Variants in PRKD1 observed in about 807,000 individuals in gnomAD.
PRKD1 encodes the protein serine/threonine-protein kinase D1.
A neutral mutation model predicts 95.9 loss-of-function variants in PRKD1; 63 were observed. That is an observed-to-expected ratio of 0.66 (90% CI 0.54 to 0.81). PRKD1 has a LOEUF of 0.81. PRKD1 is among the 30% of genes least tolerant of loss of function. PRKD1 has a pLI of 0.00. For synonymous variants in PRKD1, 425 were observed against 423.1 expected (o/e 1.00, Z -0.05); for missense variants, 1,048 against 1,165.3 (o/e 0.90, Z 1.47).
At chr14:29,613,333 C>A (rs977303954) in intron 13 of PRKD1, among the ~76,000 whole-genome samples, 1 of 152,140 alleles carries the variant, frequency 6.6e-6, no homozygotes, top group Non-Finnish European at 1.5e-5. Context: ...CAACATTATT[C>A]TCTGGTTTTC....
At chr14:29,586,130 T>C (rs1167397969) in intron 16 of PRKD1, among the ~76,000 whole-genome samples, 10 of 152,146 alleles carry the variant, frequency 6.6e-5, no homozygotes, top group African/African-American at 2.4e-4. Context: ...TATGAGAACA[T>C]TGATAGTGGT....
intron 4 of PRKD1, among the ~76,000 whole-genome samples, chr14:29,643,774 G>A (rs1274255215): frequency 2.6e-5 from 4 of 152,098 alleles, no homozygotes; most frequent in African/African-American, 4.8e-5. Flanking sequence ...TGTCACTTGC[G>A]TAAAAAATCA....
At chr14:29,676,029 A>G (rs187998166) in intron 2 of PRKD1, among the ~76,000 whole-genome samples, 293 of 151,190 alleles carry the variant, frequency 1.9e-3, no homozygotes, top group Admixed American at 5.3e-3. Context: ...ACCTAATGTA[A>G]ATGACGCGTT....
chr14:29,859,518 G>A (rs1892628899), intron 1 of PRKD1, among the ~76,000 whole-genome samples: 1 of 151,556 alleles, frequency 6.6e-6, no homozygotes, highest in African/African-American at 2.4e-5. Context: ...TGAGGCAGGA[G>A]AATGGCATGA....
chr14:29,819,796 G>C (rs1890839106), intron 1 of PRKD1, among the ~76,000 whole-genome samples: 1 of 152,224 alleles, frequency 6.6e-6, no homozygotes, highest in Non-Finnish European at 1.5e-5. Context: ...AATGTTCTTT[G>C]TGTTTTTATT....
At chr14:29,630,507 G>A in intron 10 of PRKD1, 1 of 535,426 alleles carries the variant, frequency 1.9e-6, no homozygotes, top group Non-Finnish European at 3.2e-6. Context: ...GTGTTTACCT[G>A]AATTTGTTAA....
intron 2 of PRKD1, among the ~76,000 whole-genome samples, chr14:29,687,101 G>T (rs556216291): frequency 1.3e-5 from 2 of 151,916 alleles, no homozygotes; most frequent in African/African-American, 2.4e-5. Flanking sequence ...CTGGTGTCTG[G>T]TATTGTCTGC....
At chr14:29,730,915 T>G (rs186228288) in intron 1 of PRKD1, among the ~76,000 whole-genome samples, 5 of 152,176 alleles carry the variant, frequency 3.3e-5, no homozygotes, top group Admixed American at 3.3e-4. Flanking sequence ...GAGGAATAAG[T>G]TCAAGATATC....
chr14:29,738,842 T>C (rs1886857795), intron 1 of PRKD1, among the ~76,000 whole-genome samples: 1 of 150,516 alleles, frequency 6.6e-6, no homozygotes, highest in African/African-American at 2.4e-5. Context: ...CTTTTTTTTT[T>C]TTTGGAGACA....
At chr14:29,638,454 A>G (rs765189117) in intron 6 of PRKD1, 35 bp downstream of exon 6, 1 of 1,607,430 alleles carries the variant, frequency 6.2e-7, no homozygotes, top group East Asian at 2.2e-5. Context: ...CTAATATGGA[A>G]GAAGCACAGA....
chr14:29,741,302 C>T (rs1005996460), intron 1 of PRKD1, among the ~76,000 whole-genome samples: 1 of 152,114 alleles, frequency 6.6e-6, no homozygotes, highest in Non-Finnish European at 1.5e-5. Context: ...TGAATATTAT[C>T]ATAATTAATG....
intron 1 of PRKD1, among the ~76,000 whole-genome samples, chr14:29,743,999 G>A (rs1887100619): frequency 6.6e-6 from 1 of 152,052 alleles, no homozygotes; most frequent in South Asian, 2.1e-4. Flanking sequence ...GGAGTGTTCA[G>A]GACTCACTCT....
chr14:29,733,058 T>G (rs1429923366), intron 1 of PRKD1, among the ~76,000 whole-genome samples: 2 of 151,038 alleles, frequency 1.3e-5, no homozygotes, highest in Non-Finnish European at 3.0e-5. Flanking sequence ...TTGCTATGAG[T>G]TCACTGATAT....
In PRKD1 at chr14:29,804,718, C is replaced by G. The variant is rs144498500; in HGVS notation, c.265-79044G>C. ...AGATCATCCCCTGAGACAAACCTCT[C>G]AGTGCTAACATTATTGCTATTTATC... On this transcript the variant is annotated intron_variant, in intron 1 of 17. Coordinates refer to ENST00000331968, the MANE Select transcript of PRKD1 (RefSeq NM_002742.3). Among the ~76,000 whole-genome samples the G allele has an allele frequency of 2.5e-3, 386 of 152,268 alleles. 2 individuals carry two copies. Among genetic ancestry groups the G allele is most frequent in the Non-Finnish European group, 4.1e-3 (282 of 68,008 alleles).
chr14:29,831,991 C>A (rs1385509535), intron 1 of PRKD1, among the ~76,000 whole-genome samples: 4 of 152,086 alleles, frequency 2.6e-5, no homozygotes, highest in African/African-American at 9.7e-5. Flanking sequence ...TACTAACATA[C>A]CATATTATTA....
chr14:29,703,581 A>G (rs1284337650), intron 2 of PRKD1, among the ~76,000 whole-genome samples: 1 of 152,228 alleles, frequency 6.6e-6, no homozygotes, highest in Non-Finnish European at 1.5e-5. Flanking sequence ...CAATCAGAAA[A>G]TAAGAATTTA....
chr14:29,653,161 G>T (rs1208485838), intron 4 of PRKD1, among the ~76,000 whole-genome samples: 1 of 152,076 alleles, frequency 6.6e-6, no homozygotes, highest in African/African-American at 2.4e-5. Flanking sequence ...TTGTTATTTA[G>T]AAAATATGCA....
At chr14:29,654,502 T>G (rs1182265124) in intron 4 of PRKD1, among the ~76,000 whole-genome samples, 1 of 152,170 alleles carries the variant, frequency 6.6e-6, no homozygotes, top group Non-Finnish European at 1.5e-5. Context: ...AATTTACTAG[T>G]GCTTTTACAA....
chr14:29,869,162 G>T (rs1473864653), intron 1 of PRKD1, among the ~76,000 whole-genome samples: 2 of 152,172 alleles, frequency 1.3e-5, no homozygotes, highest in Non-Finnish European at 2.9e-5. Flanking sequence ...AGAAGAAGAG[G>T]CTGGGTGTGG....
Sources: allele counts gnomAD v4.1 joint callset (sites outside exome capture counted in the v4.1 genomes callset), GRCh38; gene constraint gnomAD v4.1.1; transcripts MANE v1.5; gene names NCBI Gene and HGNC (gene_info 2026-07-23, HGNC 2026-07-21).